Variants in SPIRE1 observed in about 807,000 individuals in gnomAD.
SPIRE1 encodes the protein protein spire homolog 1.
SPIRE1 carries 40 observed loss-of-function variants against 94.1 expected under a neutral mutation model. The observed-to-expected ratio is 0.43, with a 90% confidence interval of 0.33 to 0.55. The LOEUF is 0.55. Ranked by LOEUF, SPIRE1 falls within the 20% of genes least tolerant of loss-of-function variation. The pLI is 0.06. For missense variants in SPIRE1, 838 were observed against 975.2 expected, an observed-to-expected ratio of 0.86 and a Z score of 1.87; for synonymous variants, 376 against 371.7, an observed-to-expected ratio of 1.01 and a Z score of -0.13.
In SPIRE1 at chr18:12,547,990, G is replaced by C. The variant is rs147554050; in HGVS notation, c.373-1086C>G. ...AGCCAAAGAATTAAAATTAAATCCT[G>C]ACTTTTACCACTAGCCAGCTGCCTC... is the stretch of plus-strand genomic sequence containing the variant. On this transcript the variant is annotated intron_variant, in intron 2 of 16. Transcript: ENST00000409402. Among the ~76,000 whole-genome samples the C allele has an allele frequency of 2.4e-3, 358 of 152,230 alleles. 3 individuals are homozygous for C. The highest frequency in any genetic ancestry group is 0.015 in the South Asian group (70 of 4,814).
intron 3 of SPIRE1, among the ~76,000 whole-genome samples, chr18:12,539,686 T>C (rs189939745): frequency 1.3e-4 from 19 of 151,838 alleles, no homozygotes; most frequent in Non-Finnish European, 2.2e-4. Flanking sequence ...CTCAGCACTT[T>C]GGGAGGCTGA....
chr18:12,654,067 T>C (rs2038457371), intron 1 of SPIRE1, among the ~76,000 whole-genome samples: 1 of 152,148 alleles, frequency 6.6e-6, no homozygotes, highest in South Asian at 2.1e-4. Flanking sequence ...CCAGGCACCG[T>C]GGCTCACTTC....
chr18:12,571,632 T>C (rs1394380572), intron 2 of SPIRE1, among the ~76,000 whole-genome samples: 1 of 152,216 alleles, frequency 6.6e-6, no homozygotes, highest in Non-Finnish European at 1.5e-5. Context: ...ACAAAAATAC[T>C]ATAAAGCTTT....
chr18:12,503,163 T>C (rs997468146), intron 6 of SPIRE1, among the ~76,000 whole-genome samples: 22 of 151,746 alleles, frequency 1.4e-4, no homozygotes, highest in African/African-American at 5.3e-4. Flanking sequence ...CCAGATGCTA[T>C]CAATCTTTCA....
intron 1 of SPIRE1, among the ~76,000 whole-genome samples, chr18:12,652,530 A>G (rs757466256): frequency 1.3e-5 from 2 of 152,226 alleles, no homozygotes; most frequent in Non-Finnish European, 2.9e-5. Context: ...GACGTTATAC[A>G]TAATTTAATC....
rs200588287 is a variant in SPIRE1, at chr18:12,550,400, C to CT, written c.373-3497dup. 1.7e-3 allele frequency among the ~76,000 whole-genome samples: 261 copies of CT among 152,100 alleles called. 2 individuals are homozygous for CT. The highest frequency in any genetic ancestry group is 5.2e-3 in the African/African-American group (216 of 41,490). On this transcript the variant is annotated intron_variant, in intron 2 of 16. Transcript: ENST00000409402. ...TTTTTCTCAAGAGTTGTTATTTCTT[C>CT]TTTTTTTTCTAGAGAGACAGGATCT...
chr18:12,493,725 C>T (rs961764392), intron 7 of SPIRE1, among the ~76,000 whole-genome samples: 4 of 152,144 alleles, frequency 2.6e-5, no homozygotes, highest in Non-Finnish European at 4.4e-5. Context: ...AATGTCTAAG[C>T]TCAAGGGGTC....
chr18:12,524,409 T>C (rs1486319211), intron 4 of SPIRE1, among the ~76,000 whole-genome samples: 1 of 152,206 alleles, frequency 6.6e-6, no homozygotes, highest in Non-Finnish European at 1.5e-5. Context: ...GTGAGAATCA[T>C]TTAAACATTT....
intron 2 of SPIRE1, among the ~76,000 whole-genome samples, chr18:12,585,252 T>C (rs1334336737): frequency 6.6e-6 from 1 of 152,194 alleles, no homozygotes; most frequent in Non-Finnish European, 1.5e-5. Flanking sequence ...TACAGAATAT[T>C]ACAACACTTC....
At position 12,632,222 on chromosome 18, in the gene SPIRE1, AC is replaced by A. The variant is rs1221959991; in HGVS notation, c.372+2839del. ...CAGATCCCCTGAGAGGGTCTCAGAG[AC>A]CACAGAGCCCTGGACCAGTCTTGGT... On this transcript the variant is annotated intron_variant, in intron 2 of 16. Transcript: ENST00000409402. Among the ~76,000 whole-genome samples, 4 of 152,170 alleles carry A rather than the reference AC, an allele frequency of 2.6e-5. No homozygotes were observed. In the South Asian group the frequency reaches 8.3e-4, roughly 32 times the overall value.
intron 2 of SPIRE1, among the ~76,000 whole-genome samples, chr18:12,616,882 T>G (rs4629035): frequency 2.6e-5 from 4 of 151,926 alleles, no homozygotes; most frequent in Non-Finnish European, 5.9e-5. Flanking sequence ...TTTTTTTAGA[T>G]GGAGTCTTGC....
At chr18:12,579,618 T>C (rs2036204573) in intron 2 of SPIRE1, among the ~76,000 whole-genome samples, 1 of 152,212 alleles carries the variant, frequency 6.6e-6, no homozygotes, top group East Asian at 1.9e-4. Flanking sequence ...ATTGTAAAAA[T>C]GGTGAATGTT....
chr18:12,563,547 A>T (rs533664784), intron 2 of SPIRE1, among the ~76,000 whole-genome samples: 1 of 152,342 alleles, frequency 6.6e-6, no homozygotes, highest in South Asian at 2.1e-4. Flanking sequence ...ATTATTCATA[A>T]AAACAAATGC....
intron 2 of SPIRE1, among the ~76,000 whole-genome samples, chr18:12,626,222 C>G (rs2037622585): frequency 6.6e-6 from 1 of 152,092 alleles, no homozygotes; most frequent in Non-Finnish European, 1.5e-5. Flanking sequence ...TTAGGATGCT[C>G]AGAAAACATT....
At chr18:12,615,346 ATATAT>A (rs1229872702) in intron 2 of SPIRE1, among the ~76,000 whole-genome samples, 1 of 20,454 alleles carries the variant, frequency 4.9e-5, no homozygotes, top group Non-Finnish European at 1.3e-4. Context: ...AAAAAAAAAA[ATATAT>A]ATATATATAT....
At chr18:12,490,836 A>G (rs1161533934) in intron 8 of SPIRE1, among the ~76,000 whole-genome samples, 1 of 152,238 alleles carries the variant, frequency 6.6e-6, no homozygotes, top group Non-Finnish European at 1.5e-5. Flanking sequence ...ATCATACTCA[A>G]TAAGGGAAAA....
chr18:12,654,006 G>A (rs1174074318), intron 1 of SPIRE1, among the ~76,000 whole-genome samples: 1 of 151,628 alleles, frequency 6.6e-6, no homozygotes, highest in Non-Finnish European at 1.5e-5. Flanking sequence ...AAACGTTGCA[G>A]ATTGCTAACT....
At chr18:12,549,784 CCT>C (rs1458380960) in intron 2 of SPIRE1, among the ~76,000 whole-genome samples, 1 of 151,838 alleles carries the variant, frequency 6.6e-6, no homozygotes, top group Admixed American at 6.6e-5. Context: ...CGGGAAAAAC[CCT>C]GTTATATAAC....
intron 4 of SPIRE1, among the ~76,000 whole-genome samples, chr18:12,530,780 TA>T (rs766054116): frequency 5.3e-5 from 8 of 152,196 alleles, no homozygotes; most frequent in Non-Finnish European, 1.0e-4. Flanking sequence ...AAAAATGAGT[TA>T]TTTGCTTTAA....
Sources: allele counts gnomAD v4.1 joint callset (sites outside exome capture counted in the v4.1 genomes callset), GRCh38; gene constraint gnomAD v4.1.1; transcripts MANE v1.5; gene names NCBI Gene and HGNC (gene_info 2026-07-23, HGNC 2026-07-21).